The following SUGCT variants were observed in gnomAD, a reference collection of about 807,000 sequenced individuals.
SUGCT encodes succinyl-CoA:glutarate-CoA transferase, also known as succinyl-CoA:glutarate CoA-transferase.
Under a neutral mutation model 55.0 loss-of-function variants are expected in SUGCT, and 41 were observed. The observed-to-expected ratio is 0.74, with a 90% CI of 0.58 to 0.97. SUGCT has a LOEUF of 0.97. SUGCT is among the 50% of genes least tolerant of loss of function. The probability of loss-of-function intolerance (pLI) is 0.00; values close to 1 mark genes in which losing one functional copy is unlikely to be tolerated. For missense variants in SUGCT, 568 were observed against 547.8 expected (o/e 1.04, Z -0.37); for synonymous variants, 187 against 200.4 (o/e 0.93, Z 0.56).
At chr7:40,869,432 A>G in the SUGCT span, among the ~76,000 whole-genome samples, 2 of 152,200 alleles carry the variant, frequency 1.3e-5, no homozygotes, top group South Asian at 2.1e-4. Flanking sequence ...TACAACCACA[A>G]GGAGCTGAAT....
chr7:40,501,774 A>C (rs1011403713), intron 12 of SUGCT, among the ~76,000 whole-genome samples: 2 of 152,118 alleles, frequency 1.3e-5, no homozygotes, highest in African/African-American at 4.8e-5. Flanking sequence ...AGGACTTTGC[A>C]GTTTAGGTTA....
Position 40,761,156 on chromosome 7 carries a change from T to C in SUGCT, c.1153+11659T>C, listed in dbSNP as rs562481880. Among the ~76,000 whole-genome samples the C allele has an allele frequency of 1.1e-4, 16 of 152,304 alleles. No homozygotes were observed. The South Asian group carries it at 3.1e-3, about 30-fold the overall frequency. ...ACAAGAAGCACTGTGTAATGGGGCA[T>C]GTGACAGTGACCAGTCAAATAAGAC... is the stretch of plus-strand genomic sequence containing the variant. On this transcript the variant is annotated intron_variant, in intron 13 of 13. Transcript: ENST00000335693.
chr7:40,961,971 G>A, the SUGCT span, among the ~76,000 whole-genome samples: 4 of 152,158 alleles, frequency 2.6e-5, no homozygotes, highest in Admixed American at 6.5e-5. Context: ...AAGAGCAAAT[G>A]AACAAAGCTT....
intron 12 of SUGCT, among the ~76,000 whole-genome samples, chr7:40,661,243 T>C (rs999907494): frequency 3.9e-5 from 6 of 152,212 alleles, no homozygotes; most frequent in Non-Finnish European, 8.8e-5. Flanking sequence ...CAATAACTAC[T>C]TTAACTTCTC....
At chr7:40,996,206 A>G in the SUGCT span, among the ~76,000 whole-genome samples, 2 of 152,126 alleles carry the variant, frequency 1.3e-5, no homozygotes, top group Non-Finnish European at 2.9e-5. Flanking sequence ...GGTAGAGTTA[A>G]CTACATGTCC....
chr7:40,272,193 T>TATATATATACAC (rs1554299554), intron 7 of SUGCT, among the ~76,000 whole-genome samples: 1 of 76,274 alleles, frequency 1.3e-5, no homozygotes, highest in Non-Finnish European at 2.5e-5. Flanking sequence ...TATATATATA[T>TATATATATACAC]ACAGGGTCTC....
chr7:40,808,892 CAT>C (rs999997640), intron 13 of SUGCT, among the ~76,000 whole-genome samples: 3 of 152,144 alleles, frequency 2.0e-5, no homozygotes, highest in Non-Finnish European at 2.9e-5. Flanking sequence ...CTCCAGGAGT[CAT>C]ATATTTCAAT....
intron 12 of SUGCT, among the ~76,000 whole-genome samples, chr7:40,641,314 G>A (rs1297070617): frequency 1.3e-5 from 2 of 152,172 alleles, no homozygotes; most frequent in African/African-American, 4.8e-5. Context: ...AAAGGGCAGA[G>A]ACATTTTCCT....
chr7:40,676,674 T>C (rs993910009), intron 12 of SUGCT, among the ~76,000 whole-genome samples: 3 of 151,998 alleles, frequency 2.0e-5, no homozygotes, highest in Non-Finnish European at 4.4e-5. Flanking sequence ...GGCTAATTTT[T>C]GTATTTTTAG....
the SUGCT span, among the ~76,000 whole-genome samples, chr7:40,876,012 G>C: frequency 6.6e-6 from 1 of 152,202 alleles, no homozygotes; most frequent in Non-Finnish European, 1.5e-5. Context: ...GCATAGAAGA[G>C]GGGAAAAGAA....
At chr7:40,611,243 TAA>T (rs764220779) in intron 12 of SUGCT, among the ~76,000 whole-genome samples, 2 of 152,228 alleles carry the variant, frequency 1.3e-5, no homozygotes, top group Non-Finnish European at 2.9e-5. Flanking sequence ...TATGAATCTG[TAA>T]ACAGTCAGTC....
the SUGCT span, among the ~76,000 whole-genome samples, chr7:41,026,504 G>A: frequency 6.6e-6 from 1 of 152,164 alleles, no homozygotes; most frequent in African/African-American, 2.4e-5. Context: ...TGACACTGAT[G>A]CCTTGATACT....
At chr7:40,928,682 C>G in the SUGCT span, among the ~76,000 whole-genome samples, 2 of 151,752 alleles carry the variant, frequency 1.3e-5, no homozygotes, top group Non-Finnish European at 2.9e-5. Context: ...TCACTACAAC[C>G]TCTGCCTCCT....
At chr7:40,436,431 G>A (rs1788182009) in intron 9 of SUGCT, among the ~76,000 whole-genome samples, 1 of 152,160 alleles carries the variant, frequency 6.6e-6, no homozygotes, top group African/African-American at 2.4e-5. Context: ...GAGATATGAT[G>A]AACAGATATG....
At chr7:40,397,025 A>T (rs10263744) in intron 9 of SUGCT, among the ~76,000 whole-genome samples, 4 of 151,926 alleles carry the variant, frequency 2.6e-5, no homozygotes, top group Non-Finnish European at 4.4e-5. Context: ...AATATATATC[A>T]GATAGACCTT....
rs564604227 is a variant in SUGCT, at chr7:40,687,185, TCTA to T, written c.1090-62246_1090-62244del. The stretch of plus-strand genomic sequence containing the variant: ...AGGTTTGTTCTTGAAAAAAAAATTC[TCTA>T]CTGTCATTTTGGTGGAGAATTATGA... On this transcript the variant is annotated intron_variant, in intron 12 of 13. Transcript: ENST00000335693. Among the ~76,000 whole-genome samples the T allele has an allele frequency of 1.6e-3, 244 of 152,286 alleles. 1 individual carries two copies. The highest frequency in any genetic ancestry group is 5.6e-3 in the African/African-American group (233 of 41,566).
At chr7:40,698,347 C>A (rs915629312) in intron 12 of SUGCT, among the ~76,000 whole-genome samples, 1 of 152,182 alleles carries the variant, frequency 6.6e-6, no homozygotes, top group Non-Finnish European at 1.5e-5. Flanking sequence ...CTCAAAAAGA[C>A]GGAGGCTGCT....
intron 12 of SUGCT, among the ~76,000 whole-genome samples, chr7:40,710,212 C>T (rs1395082019): frequency 1.3e-5 from 2 of 152,208 alleles, no homozygotes; most frequent in African/African-American, 4.8e-5. Context: ...TGCATGTTAA[C>T]TATACGGCGG....
chr7:40,653,253 G>A lies in SUGCT; in HGVS notation c.1090-96181G>A, dbSNP rs551113323. Among the ~76,000 whole-genome samples, 4 of 152,160 alleles carry A rather than the reference G, an allele frequency of 2.6e-5. No individual in the cohort carries two copies. In the East Asian group the frequency reaches 7.7e-4, roughly 29 times the overall value. On this transcript the variant is annotated intron_variant, in intron 12 of 13. Transcript: ENST00000335693. ...TATATTAAATGCATTTTAAAATGGTGGACTATTCAAAGAACACTTGAATGT... is the reference window on the plus strand; with the variant it reads ...TATATTAAATGCATTTTAAAATGGTAGACTATTCAAAGAACACTTGAATGT...
Sources: allele counts gnomAD v4.1 joint callset (sites outside exome capture counted in the v4.1 genomes callset), GRCh38; gene constraint gnomAD v4.1.1; transcripts MANE v1.5; gene names NCBI Gene and HGNC (gene_info 2026-07-23, HGNC 2026-07-21).